SPRY3: variants seen among roughly 807,000 people sequenced by gnomAD.
The protein encoded by SPRY3 is protein sprouty homolog 3.
Under a neutral mutation model 20.2 loss-of-function variants are expected in SPRY3, and 15 were observed. That is an observed-to-expected ratio of 0.74 (90% CI 0.50 to 1.14). The LOEUF (loss-of-function observed/expected upper bound fraction) is 1.14. Among genes scored for constraint, SPRY3 ranks in the 50% most tolerant of loss-of-function variants. The pLI is 0.00. For synonymous variants in SPRY3, 143 were observed against 136.5 expected, an observed-to-expected ratio of 1.05 and a Z score of -0.33; for missense variants, 364 against 363.9, an observed-to-expected ratio of 1.00 and a Z score of 0.00.
At chrX:155,713,179 G>T (rs746584980) in intron 2 of SPRY3, among the ~76,000 whole-genome samples, 1 of 152,010 alleles carries the variant, frequency 6.6e-6, no homozygotes, top group African/African-American at 2.4e-5. Context: ...TGCCATGGTG[G>T]TTTGCTGCAC....
intron 1 of SPRY3, among the ~76,000 whole-genome samples, chrX:155,650,754 G>A (rs2067974752): frequency 9.0e-6 from 1 of 111,698 alleles, no homozygotes; most frequent in South Asian, 3.7e-4. Flanking sequence ...GATCTGACAT[G>A]CGGTTTGATG....
chrX:155,756,843 C>T (rs2091285329), intron 2 of SPRY3, among the ~76,000 whole-genome samples: 1 of 151,912 alleles, frequency 6.6e-6, no homozygotes, highest in African/African-American at 2.4e-5. Context: ...ATAGGTGATG[C>T]CTTTCACTGA....
intron 2 of SPRY3, among the ~76,000 whole-genome samples, chrX:155,720,812 G>T (rs1016337666): frequency 6.6e-6 from 1 of 152,062 alleles, no homozygotes; most frequent in African/African-American, 2.4e-5. Flanking sequence ...TTCCCAAAAA[G>T]GTTGGGTATA....
chrX:155,716,194 A>C (rs2091021126), intron 2 of SPRY3, among the ~76,000 whole-genome samples: 1 of 152,092 alleles, frequency 6.6e-6, no homozygotes. Flanking sequence ...CATATTAGAT[A>C]ATTTCTATCA....
intron 1 of SPRY3, among the ~76,000 whole-genome samples, chrX:155,619,418 T>C (rs1215078463): frequency 9.0e-6 from 1 of 111,089 alleles, no homozygotes; most frequent in African/African-American, 3.3e-5. Context: ...AATACAATGC[T>C]GTCTTATTAC....
At chrX:155,731,991 A>G (rs1444271875) in intron 2 of SPRY3, among the ~76,000 whole-genome samples, 1 of 152,022 alleles carries the variant, frequency 6.6e-6, no homozygotes, top group East Asian at 1.9e-4. Flanking sequence ...GTTTTTAGTA[A>G]TGGTATTTCC....
At chrX:155,745,618 A>G (rs1007780228) in intron 2 of SPRY3, among the ~76,000 whole-genome samples, 2 of 152,040 alleles carry the variant, frequency 1.3e-5, no homozygotes, top group Admixed American at 1.3e-4. Flanking sequence ...TTTATAATGG[A>G]ACAGATATAA....
chrX:155,678,710 C>T (rs1223177023), intron 2 of SPRY3, among the ~76,000 whole-genome samples: 1 of 111,863 alleles, frequency 8.9e-6, no homozygotes, highest in African/African-American at 3.2e-5. Context: ...GCAAACTGTG[C>T]AAGTTAAGTC....
chrX:155,721,239 T>G (rs1282578770), intron 2 of SPRY3, among the ~76,000 whole-genome samples: 2 of 151,766 alleles, frequency 1.3e-5, no homozygotes, highest in Non-Finnish European at 2.9e-5. Flanking sequence ...TATTTGAAAA[T>G]GCACAGTCAG....
At chrX:155,710,501 T>C (rs2090979194) in intron 2 of SPRY3, among the ~76,000 whole-genome samples, 1 of 151,742 alleles carries the variant, frequency 6.6e-6, no homozygotes, top group Non-Finnish European at 1.5e-5. Context: ...GAGTTTTGTA[T>C]GTTGATTTTG....
At chrX:155,749,942 T>C (rs1226612265) in intron 2 of SPRY3, among the ~76,000 whole-genome samples, 1 of 151,748 alleles carries the variant, frequency 6.6e-6, no homozygotes, top group African/African-American at 2.4e-5. Context: ...TTGAGAGTTA[T>C]TTAAAGTCAT....
In SPRY3 at chrX:155,736,506, C is replaced by T. The variant is rs189676835; in HGVS notation, c.-281-31456C>T. 8.6e-4 allele frequency among the ~76,000 whole-genome samples: 131 copies of T among 151,940 alleles called. No individual in the cohort carries two copies. In the Middle Eastern group the frequency reaches 0.014, roughly 16 times the overall value. ...TTTTCTTTCAACACTTTAAATACTTCGTTCCACTTTCTTCTTGCTTTCATG... is the reference window on the plus strand; with the variant it reads ...TTTTCTTTCAACACTTTAAATACTTTGTTCCACTTTCTTCTTGCTTTCATG... On this transcript the variant is annotated intron_variant, in intron 2 of 3. Coordinates refer to ENST00000675360, the Ensembl canonical transcript of SPRY3.
At chrX:155,647,077 T>G (rs2067960337) in intron 1 of SPRY3, among the ~76,000 whole-genome samples, 1 of 111,746 alleles carries the variant, frequency 8.9e-6, no homozygotes, top group African/African-American at 3.2e-5. Context: ...CTTCATGCTG[T>G]CCACATAGTT....
At chrX:155,752,231 A>G (rs1478925445) in intron 2 of SPRY3, among the ~76,000 whole-genome samples, 3 of 151,520 alleles carry the variant, frequency 2.0e-5, no homozygotes, top group African/African-American at 7.3e-5. Flanking sequence ...GGGTAGCTCT[A>G]TTGGATCGCT....
chrX:155,752,049 G>A (rs1253763601), intron 2 of SPRY3, among the ~76,000 whole-genome samples: 1 of 151,434 alleles, frequency 6.6e-6, no homozygotes, highest in Admixed American at 6.6e-5. Context: ...TCCTTAAATT[G>A]AAAAAGGACT....
chrX:155,652,498 A>G (rs1232222495), intron 1 of SPRY3, among the ~76,000 whole-genome samples: 1 of 111,834 alleles, frequency 8.9e-6, no homozygotes, highest in Non-Finnish European at 1.9e-5. Context: ...GTAAGAACAC[A>G]CAATGTTTTG....
chrX:155,767,680 AAAGAGGCGGAGGAGGAGGAGAAAG>A, intron 2 of SPRY3: 1 of 111,606 alleles, frequency 9.0e-6, no homozygotes, highest in African/African-American at 3.4e-5. Flanking sequence ...GGGGGAGGAG[AAAGAGGCGGAGGAGGAGGAGAAAG>A]AAGAGGAGGA....
chrX:155,769,762 T>G (rs895488412), intron 3 of SPRY3, among the ~76,000 whole-genome samples: 3 of 152,276 alleles, frequency 2.0e-5, no homozygotes, highest in Admixed American at 1.3e-4. Flanking sequence ...TGAATAGGAC[T>G]AGGGTAGCAA....
At chrX:155,644,156 G>T (rs1557351648) in intron 1 of SPRY3, among the ~76,000 whole-genome samples, 1 of 110,566 alleles carries the variant, frequency 9.0e-6, no homozygotes, top group Non-Finnish European at 1.9e-5. Context: ...TACTATTCTA[G>T]GGTGAAAATA....
Sources: gnomAD v4.1 joint callset for allele counts (sites outside exome capture counted in the v4.1 genomes callset) on GRCh38, gnomAD v4.1.1 for gene constraint, MANE v1.5 for transcripts, NCBI Gene and HGNC (gene_info 2026-07-23, HGNC 2026-07-21) for gene names.